GSR: variants seen among roughly 807,000 people sequenced by gnomAD.
The protein encoded by GSR is glutathione reductase, mitochondrial.
A neutral mutation model predicts 56.5 loss-of-function variants in GSR; 48 were observed. The ratio of observed to expected loss-of-function variants is 0.85; its 90% CI spans 0.67 to 1.08. The LOEUF (loss-of-function observed/expected upper bound fraction) is 1.08. GSR is among the 50% of genes least tolerant of loss of function. The pLI is 0.00. For missense variants in GSR, 694 were observed against 703.3 expected (o/e 0.99, Z 0.15); for synonymous variants, 264 against 270.8 (o/e 0.97, Z 0.25).
chr8:30,690,073 C>T lies in GSR; in HGVS notation c.883-754G>A, dbSNP rs931387970. Among the ~76,000 whole-genome samples the T allele has an allele frequency of 1.6e-3, 219 of 137,336 alleles. 4 individuals are homozygous for T. Among genetic ancestry groups the T allele is most frequent in the Admixed American group, 0.014 (186 of 13,144 alleles). 90.1% of individuals were successfully genotyped at this position (137,336 alleles called of 152,430 possible). A position where few individuals can be genotyped will look rare whatever the true frequency, so the allele number is the denominator to read the frequency against. On this transcript the variant is annotated intron_variant, in intron 8 of 12. Coordinates refer to ENST00000221130, the MANE Select transcript of GSR (RefSeq NM_000637.5). Reference sequence around the variant, plus strand: ...TAAATATACATATAAATAAAATATACATATATAAAATATAAATATATAAAT... The same window carrying T: ...TAAATATACATATAAATAAAATATATATATATAAAATATAAATATATAAAT...
chr8:30,720,433 T>C (rs1804494414), intron 1 of GSR, among the ~76,000 whole-genome samples: 1 of 152,236 alleles, frequency 6.6e-6, no homozygotes, highest in Non-Finnish European at 1.5e-5. Flanking sequence ...GTACTTGCTA[T>C]GTGCAAAACA....
chr8:30,687,083 C>T (rs942019060), intron 9 of GSR, among the ~76,000 whole-genome samples: 2 of 151,586 alleles, frequency 1.3e-5, no homozygotes, highest in Admixed American at 6.6e-5. Flanking sequence ...GTGATCCACC[C>T]GCCTCAGCCT....
At chr8:30,720,769 T>C (rs989292010) in intron 1 of GSR, among the ~76,000 whole-genome samples, 2 of 152,208 alleles carry the variant, frequency 1.3e-5, no homozygotes, top group South Asian at 4.1e-4. Context: ...TGTTCAATTC[T>C]TAGCTAAGCA....
intron 8 of GSR, among the ~76,000 whole-genome samples, chr8:30,691,060 T>G (rs1183174437): frequency 6.7e-6 from 1 of 149,730 alleles, no homozygotes; most frequent in Non-Finnish European, 1.5e-5. Context: ...TCAAGAAAAA[T>G]AATTTTAAAA....
chr8:30,709,337 C>T (rs1440254351), intron 3 of GSR, among the ~76,000 whole-genome samples: 5 of 152,296 alleles, frequency 3.3e-5, no homozygotes, highest in South Asian at 2.1e-4. Flanking sequence ...TGCACTCCAG[C>T]GTGGACAACA....
chr8:30,696,948 C>T (rs1197649652), intron 6 of GSR, among the ~76,000 whole-genome samples: 1 of 152,152 alleles, frequency 6.6e-6, no homozygotes, highest in Non-Finnish European at 1.5e-5. Context: ...ATGCTCTTAC[C>T]TTGGCCTCCC....
At chr8:30,682,206 A>G (rs1802985154) in intron 10 of GSR, 145 bp from the exon 11 acceptor site, 2 of 740,000 alleles carry the variant, frequency 2.7e-6, no homozygotes, top group Non-Finnish European at 4.8e-6. Context: ...TAGATAGTTT[A>G]ATACAGCGAA....
At chr8:30,710,026 A>T in intron 2 of GSR, 124 bp from the exon 3 acceptor site, 1 of 682,568 alleles carries the variant, frequency 1.5e-6, no homozygotes, top group Non-Finnish European at 2.5e-6. Flanking sequence ...TAAATTAAAA[A>T]CAAACCTAGC....
At chr8:30,683,904 T>C (rs1489011195) in intron 10 of GSR, among the ~76,000 whole-genome samples, 184 bp downstream of exon 10, 1 of 152,170 alleles carries the variant, frequency 6.6e-6, no homozygotes, top group African/African-American at 2.4e-5. Context: ...GCATTTTAAG[T>C]CTTTTATTCA....
chr8:30,700,722 C>CAAAAAAAAAAAAAA (rs1563535549), intron 5 of GSR, among the ~76,000 whole-genome samples: 95 of 8,420 alleles, frequency 0.011, 9 homozygotes, highest in African/African-American at 0.016. Flanking sequence ...GATTTTGTCT[C>CAAAAAAAAAAAAAA]CAAAAAAAAA....
chr8:30,684,975 T>G (rs10102510), intron 9 of GSR, among the ~76,000 whole-genome samples: 1,641 of 117,022 alleles, frequency 0.014, 32 homozygotes, highest in African/African-American at 0.049. Context: ...ATTTATTTAT[T>G]TATTTATTTA....
At chr8:30,712,118 A>G in intron 1 of GSR, 30 bp from the exon 2 acceptor site, 1 of 1,286,500 alleles carries the variant, frequency 7.8e-7, no homozygotes, top group Non-Finnish European at 1.1e-6. Context: ...ACACACTTTA[A>G]GAATATTGAA....
In GSR at chr8:30,703,154, G is replaced by A; in HGVS notation, c.579C>T (p.Ala193=). The A allele has an allele frequency of 6.2e-7, 1 of 1,614,122 alleles. No homozygotes were observed. The highest frequency in any genetic ancestry group is 8.5e-7 in the Non-Finnish European group (1 of 1,180,006). ...CACCTGTGGCGATCAGGATGTGTGG[G>A]GCGGTGTACTTTTTCCCACTGACCT... ...TIEVSGKKYT[A]PHILIATGGM... is the part of the protein sequence containing the mutation. The change falls in exon 5 of 13, where the codon GCC becomes GCT. Residue 193 remains alanine (A), a synonymous_variant. Transcript: ENST00000221130.
Position 30,682,065 on chromosome 8 carries a change from T to C in GSR, c.1154-4A>G. 1 of 1,611,496 alleles carries C rather than the reference T, an allele frequency of 6.2e-7. No homozygotes were observed. The highest frequency in any genetic ancestry group is 8.5e-7 in the Non-Finnish European group (1 of 1,177,584). ...TTTCGGCCAGCAGCTATTGCAACTATGGAGATATTTTAAAATCAGTGTTTA... is the reference window on the plus strand; with the variant it reads ...TTTCGGCCAGCAGCTATTGCAACTACGGAGATATTTTAAAATCAGTGTTTA... On this transcript the variant is annotated splice_polypyrimidine_tract_variant and splice_region_variant and intron_variant, in intron 10 of 12. Coordinates refer to ENST00000221130, the MANE Select transcript of GSR (RefSeq NM_000637.5).
chr8:30,697,603 G>C (rs1236078047), intron 6 of GSR, among the ~76,000 whole-genome samples: 1 of 152,128 alleles, frequency 6.6e-6, no homozygotes, highest in Non-Finnish European at 1.5e-5. Flanking sequence ...AGTCCAGCCT[G>C]GGTGACAGAG....
rs1803259136 is a variant in GSR at position 30,688,872 on chromosome 8, A to C, written c.1041+289T>G. Among the ~76,000 whole-genome samples, 3 of 152,206 alleles carry C rather than the reference A, an allele frequency of 2.0e-5. No homozygotes were observed. In the South Asian group the frequency reaches 6.2e-4, roughly 32 times the overall value. Reference sequence around the variant, plus strand: ...TAGGAGGTTAAGACTGCGGTGAGCTATGATCACACCACTGAACTCCAGCCT... The same window carrying C: ...TAGGAGGTTAAGACTGCGGTGAGCTCTGATCACACCACTGAACTCCAGCCT... On this transcript the variant is annotated intron_variant, in intron 9 of 12. Transcript: ENST00000221130.
chr8:30,681,067 CA>C, intron 11 of GSR, 30 bp from the exon 12 acceptor site: 1 of 1,577,386 alleles, frequency 6.3e-7, no homozygotes, highest in Non-Finnish European at 8.7e-7. Context: ...AAGCATCTAT[CA>C]GAAAACTAAA....
chr8:30,716,816 A>G (rs1804348208), intron 1 of GSR, among the ~76,000 whole-genome samples: 1 of 152,070 alleles, frequency 6.6e-6, no homozygotes, highest in African/African-American at 2.4e-5. Context: ...CAAAAAATAC[A>G]CATACACTTA....
rs750788544 is a variant in GSR, at chr8:30,682,031, TGGG to T, written c.1181_1183del (p.Ala394_His395delinsAsp). On this transcript the variant is annotated inframe_deletion, in exon 11 of 13. Coordinates refer to ENST00000221130, the MANE Select transcript of GSR (RefSeq NM_000637.5). The stretch of plus-strand genomic sequence containing the variant: ...ATCTTCCTTATATTCAAAAAGTCGA[TGGG>T]CAAGTTTTCGGCCAGCAGCTATTGC... 6.2e-7 allele frequency: 1 copy of T among 1,613,492 alleles called. No homozygotes were observed. Among genetic ancestry groups the T allele is most frequent in the Non-Finnish European group, 8.5e-7 (1 of 1,179,392 alleles).
Sources: allele counts gnomAD v4.1 joint callset (sites outside exome capture counted in the v4.1 genomes callset), GRCh38; gene constraint gnomAD v4.1.1; transcripts MANE v1.5; gene names NCBI Gene and HGNC (gene_info 2026-07-23, HGNC 2026-07-21).